The following TLL2 variants were observed in gnomAD, a reference collection of about 807,000 sequenced individuals.
TLL2 encodes the protein tolloid-like protein 2.
A neutral mutation model predicts 123.0 loss-of-function variants in TLL2; 106 were observed. That is an observed-to-expected ratio of 0.86 (90% CI 0.74 to 1.01). TLL2 has a LOEUF of 1.01. TLL2 is among the 50% of genes least tolerant of loss of function. The pLI is 0.00. For missense variants in TLL2, 1,332 were observed against 1,336.7 expected (o/e 1.00, Z 0.06); for synonymous variants, 494 against 516.8 (o/e 0.96, Z 0.60).
chr10:96,417,690 T>C (rs762494326), intron 7 of TLL2, among the ~76,000 whole-genome samples: 3 of 152,118 alleles, frequency 2.0e-5, no homozygotes, highest in Non-Finnish European at 2.9e-5. Flanking sequence ...TGGTCTAGCC[T>C]ACTGGAGGAT....
chr10:96,367,769 A>T lies in TLL2; in HGVS notation c.*319T>A, dbSNP rs1334695417. On this transcript the variant is annotated 3_prime_UTR_variant, in exon 21 of 21. Coordinates refer to ENST00000357947, the MANE Select transcript of TLL2 (RefSeq NM_012465.4). ...AACCCCAAGGCTGACCTTTTGCCACATAGGAGCAAGGGACAAGGAGAATGG... is the reference window on the plus strand; with the variant it reads ...AACCCCAAGGCTGACCTTTTGCCACTTAGGAGCAAGGGACAAGGAGAATGG... 4.0e-6 allele frequency: 1 copy of T among 247,016 alleles called. No homozygotes were observed. Among genetic ancestry groups the T allele is most frequent in the Non-Finnish European group, 8.1e-6 (1 of 124,146 alleles). The allele number at this position is 247,016 out of a possible 1,614,324, so 15.3% of individuals were successfully genotyped here.
chr10:96,462,108 G>A (rs1477139146), intron 2 of TLL2, among the ~76,000 whole-genome samples: 11 of 152,200 alleles, frequency 7.2e-5, no homozygotes, highest in Non-Finnish European at 1.0e-4. Context: ...CATTATTATT[G>A]TGAGGTATTA....
intron 3 of TLL2, among the ~76,000 whole-genome samples, chr10:96,439,859 C>A (rs187872042): frequency 6.6e-6 from 1 of 152,214 alleles, no homozygotes; most frequent in African/African-American, 2.4e-5. Context: ...GGCCTGGACA[C>A]TTTTGGCCCA....
chr10:96,498,959 A>C (rs1847505887), intron 1 of TLL2, among the ~76,000 whole-genome samples: 1 of 152,232 alleles, frequency 6.6e-6, no homozygotes, highest in Non-Finnish European at 1.5e-5. Flanking sequence ...AGCTTGTTTA[A>C]GCCAATGTCT....
In TLL2 at chr10:96,373,640, T is replaced by G; in HGVS notation, c.2618A>C (p.Asp873Ala). ...GAAGCCTTTCCTCTGCACTGAGGCA[T>G]CCGAATAAAACCTGAGAAACATACT... ...GSSMFLRFYS[D>A]ASVQRKGFQA... Residue 873 changes from aspartate to alanine, a missense_variant, in exon 19 of 21, where the codon GAT becomes GCT. Coordinates refer to ENST00000357947, the MANE Select transcript of TLL2 (RefSeq NM_012465.4). 6.2e-7 allele frequency: 1 copy of G among 1,614,234 alleles called. No individual in the cohort carries two copies. Among genetic ancestry groups the G allele is most frequent in the Admixed American group, 1.7e-5 (1 of 60,028 alleles).
intron 4 of TLL2, among the ~76,000 whole-genome samples, chr10:96,430,122 G>A (rs551948930): frequency 4.9e-5 from 5 of 101,030 alleles, no homozygotes; most frequent in Middle Eastern, 0.01. Flanking sequence ...TTCAGATCTC[G>A]TTTTGAAACA....
At chr10:96,395,419 G>A (rs757407937) in intron 12 of TLL2, 37 bp from the exon 13 acceptor site, 2 of 1,525,198 alleles carry the variant, frequency 1.3e-6, no homozygotes, top group South Asian at 1.3e-5. Flanking sequence ...GATGGCAGAT[G>A]GTTCTGCTTT....
intron 14 of TLL2, 127 bp downstream of exon 14, chr10:96,386,825 TC>T: frequency 7.3e-7 from 1 of 1,376,766 alleles, no homozygotes; most frequent in South Asian, 1.3e-5. Context: ...AGTAGGTGGG[TC>T]TTCCACCATG....
Position 96,366,321 on chromosome 10 carries a change from G to T in TLL2, c.*1767C>A, listed in dbSNP as rs543291936. 137 of 152,840 alleles carry T rather than the reference G, an allele frequency of 9.0e-4. No individual in the cohort carries two copies. The highest frequency in any genetic ancestry group is 3.2e-3 in the African/African-American group (132 of 41,570). 9.5% of individuals were successfully genotyped at this position (152,840 alleles called of 1,614,324 possible). On this transcript the variant is annotated 3_prime_UTR_variant, in exon 21 of 21. Transcript: ENST00000357947. ...GCCGAGAAAGGCCAAAACAGAGCTT[G>T]GTGAAAGGAGAGGCAGGAAATGGAG...
intron 15 of TLL2, among the ~76,000 whole-genome samples, 185 bp from the exon 16 acceptor site, chr10:96,384,952 C>T (rs1302654872): frequency 1.3e-5 from 2 of 152,240 alleles, no homozygotes; most frequent in African/African-American, 4.8e-5. Context: ...CCTGGCTCTC[C>T]CACTGAGGCT....
chr10:96,395,748 C>T (rs913212912), intron 12 of TLL2, 127 bp downstream of exon 12: 17 of 1,255,826 alleles, frequency 1.4e-5, no homozygotes, highest in Non-Finnish European at 1.9e-5. Flanking sequence ...GCACAATTCA[C>T]TATGGGCTTG....
At position 96,405,649 on chromosome 10, in the gene TLL2, G is replaced by A. The variant is rs942108182; in HGVS notation, c.1165-315C>T. 3.9e-5 allele frequency among the ~76,000 whole-genome samples: 6 copies of A among 152,126 alleles called. No homozygotes were observed. The South Asian group carries it at 6.2e-4, about 16-fold the overall frequency. On this transcript the variant is annotated intron_variant, in intron 9 of 20. Transcript: ENST00000357947. Reference sequence around the variant, plus strand: ...AAGACTGGCCAGGGCGCATGGAGACGGAGGATTTGGAAGGAGGTAAGGGGT... The same window carrying A: ...AAGACTGGCCAGGGCGCATGGAGACAGAGGATTTGGAAGGAGGTAAGGGGT...
intron 1 of TLL2, among the ~76,000 whole-genome samples, chr10:96,484,084 T>A (rs1847336120): frequency 6.6e-6 from 1 of 152,172 alleles, no homozygotes; most frequent in South Asian, 2.1e-4. Flanking sequence ...CCTCAAGTCA[T>A]CCTCCTGCCT....
chr10:96,392,751 C>T (rs1846300772), intron 13 of TLL2, among the ~76,000 whole-genome samples: 1 of 152,166 alleles, frequency 6.6e-6, no homozygotes, highest in South Asian at 2.1e-4. Context: ...TTGGCCTCTA[C>T]AATCTGTGAA....
At chr10:96,495,811 C>T (rs1287627269) in intron 1 of TLL2, among the ~76,000 whole-genome samples, 1 of 152,042 alleles carries the variant, frequency 6.6e-6, no homozygotes, top group Non-Finnish European at 1.5e-5. Flanking sequence ...TCCAGGGTCC[C>T]CAGCTGCTCC....
At chr10:96,510,010 G>A (rs371683555) in intron 1 of TLL2, among the ~76,000 whole-genome samples, 15 of 152,142 alleles carry the variant, frequency 9.9e-5, no homozygotes, top group African/African-American at 3.6e-4. Context: ...TACCCTGCAA[G>A]GCAAGCATTT....
intron 10 of TLL2, among the ~76,000 whole-genome samples, chr10:96,403,083 A>G (rs1239853543): frequency 6.6e-6 from 1 of 152,200 alleles, no homozygotes; most frequent in African/African-American, 2.4e-5. Context: ...AGACCCCTCT[A>G]CGAGTGAGGA....
intron 10 of TLL2, among the ~76,000 whole-genome samples, chr10:96,402,119 C>A (rs190332891): frequency 6.6e-6 from 1 of 152,174 alleles, no homozygotes; most frequent in Admixed American, 6.5e-5. Context: ...GATGTTCTCA[C>A]GAAACTCCTC....
At position 96,437,864 on chromosome 10, in the gene TLL2, C is replaced by T. The variant is rs114720716; in HGVS notation, c.365-4902G>A. Among the ~76,000 whole-genome samples, 730 of 152,168 alleles carry T rather than the reference C, an allele frequency of 4.8e-3. 3 individuals are homozygous for T. Among genetic ancestry groups the T allele is most frequent in the African/African-American group, 0.017 (688 of 41,522 alleles). On this transcript the variant is annotated intron_variant, in intron 3 of 20. Coordinates refer to ENST00000357947, the MANE Select transcript of TLL2 (RefSeq NM_012465.4). ...TAAAGCCATTATGAACATTCATGTA[C>T]GGATTTTTGTGTAAAGGTAAGTTTT...
Sources: gnomAD v4.1 joint callset for allele counts (sites outside exome capture counted in the v4.1 genomes callset) on GRCh38, gnomAD v4.1.1 for gene constraint, MANE v1.5 for transcripts, NCBI Gene and HGNC (gene_info 2026-07-23, HGNC 2026-07-21) for gene names.